FANCI: variants seen among roughly 807,000 people sequenced by gnomAD.
FANCI encodes the protein Fanconi anemia group I protein.
FANCI carries 156 observed loss-of-function variants against 176.1 expected under a neutral mutation model. The observed-to-expected ratio is 0.89, with a 90% CI of 0.78 to 1.01. The LOEUF is 1.01. Ranked by LOEUF, FANCI falls within the 50% of genes least tolerant of loss-of-function variation. The pLI, the probability that FANCI is intolerant of heterozygous loss-of-function variation, is 0.00. For missense variants in FANCI, 1,678 were observed against 1,534.1 expected (o/e 1.09, Z -1.57); for synonymous variants, 613 against 541.7 (o/e 1.13, Z -1.83).
At chr15:89,268,376 T>G (rs2053061470) in intron 9 of FANCI, 23 bp from the exon 10 acceptor site, 1 of 1,613,876 alleles carries the variant, frequency 6.2e-7, no homozygotes, top group African/African-American at 1.3e-5. Context: ...TTATAGCTCA[T>G]AACTTTCTGT....
rs186955133 is a variant in FANCI at position 89,267,515 on chromosome 15, T to C, written c.756-884T>C. Among the ~76,000 whole-genome samples, 407 of 151,994 alleles carry C rather than the reference T, an allele frequency of 2.7e-3. 8 individuals carry two copies. The highest frequency in any genetic ancestry group is 0.015 in the East Asian group (76 of 5,170). The stretch of plus-strand genomic sequence containing the variant: ...TTGAAAAAATAATCTAATGTTATTG[T>C]GGGGGTGAGGGTAGAAAGAGGATAG... On this transcript the variant is annotated intron_variant, in intron 9 of 37. Transcript: ENST00000310775.
At chr15:89,272,165 T>C (rs984515714) in intron 10 of FANCI, among the ~76,000 whole-genome samples, 1 of 152,210 alleles carries the variant, frequency 6.6e-6, no homozygotes, top group Non-Finnish European at 1.5e-5. Context: ...CAGTACCTCA[T>C]TGAGGTTTAA....
rs116199851 is a variant in FANCI, at chr15:89,308,660, A to G, written c.3651+988A>G. Among the ~76,000 whole-genome samples the G allele has an allele frequency of 5.2e-3, 799 of 152,224 alleles. 5 individuals are homozygous for G. The highest frequency in any genetic ancestry group is 0.018 in the African/African-American group (763 of 41,526). ...CTTCCCCTCCCTTTAAGAATCAGCA[A>G]TCAGCTGGGCACAGTGGCTCATGCC... On this transcript the variant is annotated intron_variant, in intron 34 of 37. Transcript: ENST00000310775.
intron 36 of FANCI, among the ~76,000 whole-genome samples, chr15:89,314,922 A>T (rs1395776168): frequency 7.2e-6 from 1 of 139,258 alleles, no homozygotes; most frequent in African/African-American, 2.7e-5. Context: ...CTCTGGCCTC[A>T]GCCTCCAGAG....
At chr15:89,293,779 A>C (rs2054154333) in intron 22 of FANCI, 54 bp from the exon 23 acceptor site, 1 of 1,539,120 alleles carries the variant, frequency 6.5e-7, no homozygotes, top group African/African-American at 1.4e-5. Context: ...ATGTAAAAGT[A>C]AACCACAATA....
At chr15:89,273,746 C>G (rs1283938926) in intron 11 of FANCI, among the ~76,000 whole-genome samples, 1 of 134,182 alleles carries the variant, frequency 7.5e-6, no homozygotes, top group Admixed American at 7.4e-5. Context: ...CCACACAGCC[C>G]CAGTTGGAGG....
chr15:89,300,160 T>C (rs1408402667), intron 25 of FANCI, 140 bp from the exon 26 acceptor site: 8 of 1,037,608 alleles, frequency 7.7e-6, no homozygotes, highest in Non-Finnish European at 1.2e-5. Context: ...AAATGGAATA[T>C]AGTATTAAGA....
chr15:89,251,038 TC>T (rs1248342978), intron 2 of FANCI, among the ~76,000 whole-genome samples: 1 of 152,058 alleles, frequency 6.6e-6, no homozygotes, highest in Non-Finnish European at 1.5e-5. Flanking sequence ...AAATCTTGGT[TC>T]TTTGTGGGGG....
Position 89,276,806 on chromosome 15 carries a change from CTA to C in FANCI, c.1210_1211del (p.Ile404Ter). 1 of 1,614,142 alleles carries C rather than the reference CTA, an allele frequency of 6.2e-7. No homozygotes were observed. Among genetic ancestry groups the C allele is most frequent in the Non-Finnish European group, 8.5e-7 (1 of 1,180,012 alleles). ...CCAAAGAAGGTTCTTGATGGAAAAA[CTA>C]TTGAAACCAGCCCAAGTCTTTCTAG... On this transcript the variant is annotated frameshift_variant, in exon 13 of 38. Transcript: ENST00000310775. LOFTEE classifies it high-confidence loss of function.
intron 34 of FANCI, chr15:89,307,897 T>A: frequency 1.4e-6 from 2 of 1,414,994 alleles, no homozygotes; most frequent in Non-Finnish European, 1.8e-6. Context: ...GAAGCATATA[T>A]GTTTGCATTT....
intron 24 of FANCI, among the ~76,000 whole-genome samples, chr15:89,296,833 C>T (rs1164030564): frequency 2.0e-5 from 3 of 148,392 alleles, no homozygotes; most frequent in East Asian, 2.1e-4. Context: ...CCCTCCCGGA[C>T]GGGGCGGCTG....
intron 10 of FANCI, among the ~76,000 whole-genome samples, chr15:89,269,886 C>G (rs2053132629): frequency 1.3e-5 from 2 of 151,944 alleles, no homozygotes; most frequent in Admixed American, 1.3e-4. Flanking sequence ...TCTTGGCTCA[C>G]TGCAACCTCC....
At chr15:89,294,640 A>AAAAC (rs142174023) in intron 23 of FANCI, among the ~76,000 whole-genome samples, 11 of 151,762 alleles carry the variant, frequency 7.2e-5, no homozygotes, top group Admixed American at 2.6e-4. Context: ...GGGACAAAAA[A>AAAAC]AAACCTAAAA....
chr15:89,279,110 GT>G (rs1255576143), intron 14 of FANCI, among the ~76,000 whole-genome samples: 2 of 152,074 alleles, frequency 1.3e-5, no homozygotes, highest in African/African-American at 2.4e-5. Context: ...ACTGCACAGT[GT>G]TTCTCTCTGG....
chr15:89,314,597 G>A lies in FANCI; in HGVS notation c.3721-15G>A, dbSNP rs552581027. On this transcript the variant is annotated splice_polypyrimidine_tract_variant and intron_variant, in intron 35 of 37. Coordinates refer to ENST00000310775, the MANE Select transcript of FANCI (RefSeq NM_001113378.2). ...ATTGAACCTGAAATTTAAGTCTTAT[G>A]TTCTTTGCCCTTAGGCCAGAGTTCT... The A allele has an allele frequency of 3.1e-5, 50 of 1,599,508 alleles. No individual in the cohort carries two copies. In the East Asian group the frequency reaches 8.3e-4, roughly 26 times the overall value.
At chr15:89,268,334 G>C (rs2053058982) in intron 9 of FANCI, 65 bp from the exon 10 acceptor site, 3 of 1,593,976 alleles carry the variant, frequency 1.9e-6, no homozygotes, top group Non-Finnish European at 2.6e-6. Flanking sequence ...GCCTCCCAAA[G>C]TGCTGGCATT....
intron 2 of FANCI, among the ~76,000 whole-genome samples, chr15:89,257,704 G>A (rs1315867587): frequency 6.6e-6 from 1 of 152,074 alleles, no homozygotes; most frequent in East Asian, 1.9e-4. Context: ...GAAATACTGG[G>A]GGTTAGAGCT....
chr15:89,253,003 A>G (rs2052328839), intron 2 of FANCI, among the ~76,000 whole-genome samples: 1 of 152,238 alleles, frequency 6.6e-6, no homozygotes, highest in African/African-American at 2.4e-5. Flanking sequence ...GGAAAAGCTG[A>G]AAAGAGCTCT....
chr15:89,270,472 A>G (rs2053158484), intron 10 of FANCI, among the ~76,000 whole-genome samples: 1 of 152,196 alleles, frequency 6.6e-6, no homozygotes, highest in Non-Finnish European at 1.5e-5. Context: ...TTCTTGGCCT[A>G]AATCAGTAAT....
Sources: allele counts gnomAD v4.1 joint callset (sites outside exome capture counted in the v4.1 genomes callset), GRCh38; gene constraint gnomAD v4.1.1; transcripts MANE v1.5; gene names NCBI Gene and HGNC (gene_info 2026-07-23, HGNC 2026-07-21).